The following PARP8 variants were observed in gnomAD, a reference collection of about 807,000 sequenced individuals.
PARP8 encodes the protein poly(ADP-ribose) polymerase family member 8.
A neutral mutation model predicts 124.1 loss-of-function variants in PARP8; 51 were observed. That is an observed-to-expected ratio of 0.41 (90% CI 0.33 to 0.52). The LOEUF is 0.52. PARP8 is among the 20% of genes least tolerant of loss of function. The pLI is 0.21. For missense variants in PARP8, 860 were observed against 1,018.9 expected (o/e 0.84, Z 2.12); for synonymous variants, 391 against 361.5 (o/e 1.08, Z -0.93).
chr5:50,798,737 G>A (rs1159861420), intron 14 of PARP8, among the ~76,000 whole-genome samples: 3 of 151,962 alleles, frequency 2.0e-5, no homozygotes, highest in South Asian at 2.1e-4. Flanking sequence ...CACCGCACCC[G>A]GCCGAAGCAG....
chr5:50,827,208 C>G (rs531830503), intron 19 of PARP8, among the ~76,000 whole-genome samples: 5 of 152,176 alleles, frequency 3.3e-5, no homozygotes, highest in Non-Finnish European at 7.4e-5. Context: ...GCCTAGTAAG[C>G]TTAAAAAATA....
chr5:50,678,563 T>TGGAGAGAG (rs1750903208), intron 2 of PARP8, among the ~76,000 whole-genome samples: 3 of 152,196 alleles, frequency 2.0e-5, no homozygotes, highest in African/African-American at 7.2e-5. Flanking sequence ...TAAATATAGA[T>TGGAGAGAG]ATATGAGAGA....
intron 2 of PARP8, among the ~76,000 whole-genome samples, chr5:50,688,620 T>C (rs1752133698): frequency 6.6e-6 from 1 of 152,220 alleles, no homozygotes; most frequent in Non-Finnish European, 1.5e-5. Context: ...TTAAAATATA[T>C]ACTAATTTGA....
chr5:50,840,574 A>G lies in PARP8; in HGVS notation c.2463-1392A>G, dbSNP rs1748071226. On this transcript the variant is annotated intron_variant, in intron 25 of 25. Transcript: ENST00000281631. ...CTGTAGCAAAGTTATATAGAGAGAA[A>G]AATTTAAGGATCGGAGATAGAGCTT... 2.0e-5 allele frequency among the ~76,000 whole-genome samples: 3 copies of G among 151,874 alleles called. No individual in the cohort carries two copies. In the South Asian group the frequency reaches 6.2e-4, roughly 32 times the overall value.
intron 2 of PARP8, among the ~76,000 whole-genome samples, chr5:50,675,421 C>T (rs1297458121): frequency 6.6e-6 from 1 of 152,186 alleles, no homozygotes; most frequent in African/African-American, 2.4e-5. Flanking sequence ...TCTCCCGTCT[C>T]AGTCTCTCAA....
At chr5:50,753,539 A>T (rs1477615715) in intron 3 of PARP8, among the ~76,000 whole-genome samples, 3 of 152,146 alleles carry the variant, frequency 2.0e-5, no homozygotes, top group Non-Finnish European at 4.4e-5. Flanking sequence ...AGGACATGGT[A>T]TAGTGACAAA....
intron 2 of PARP8, among the ~76,000 whole-genome samples, chr5:50,696,449 A>G (rs1383387080): frequency 6.6e-6 from 1 of 152,116 alleles, no homozygotes; most frequent in Non-Finnish European, 1.5e-5. Context: ...GAAGCCCATA[A>G]TCTTTGTTTG....
intron 2 of PARP8, among the ~76,000 whole-genome samples, chr5:50,677,604 T>C (rs1171064936): frequency 6.6e-6 from 1 of 152,094 alleles, no homozygotes; most frequent in African/African-American, 2.4e-5. Context: ...CCAAGAAAAA[T>C]TTTAAACTTA....
Position 50,678,819 on chromosome 5 carries a change from C to T in PARP8, c.146+10694C>T, listed in dbSNP as rs1201277403. 2.6e-5 allele frequency among the ~76,000 whole-genome samples: 4 copies of T among 152,118 alleles called. No homozygotes were observed. In the East Asian group the frequency reaches 5.8e-4, roughly 22 times the overall value. On this transcript the variant is annotated intron_variant, in intron 2 of 25. Transcript: ENST00000281631. ...CCTGCTGAGTTAACCCTTTCCTATA[C>T]ATATGCAGACAGTGTTCAGCACAGG...
At chr5:50,722,170 TCTG>T (rs1755957511) in intron 2 of PARP8, among the ~76,000 whole-genome samples, 1 of 152,122 alleles carries the variant, frequency 6.6e-6, no homozygotes, top group Non-Finnish European at 1.5e-5. Context: ...CTTATGGAGA[TCTG>T]CTTTAAAATT....
In PARP8 at chr5:50,843,468, A is replaced by C. The variant is rs186765627; in HGVS notation, c.*1400A>C. The C allele has an allele frequency of 1.6e-4, 24 of 151,936 alleles. No homozygotes were observed. Among genetic ancestry groups the C allele is most frequent in the African/African-American group, 5.8e-4 (24 of 41,514 alleles). The allele number at this position is 151,936 out of a possible 1,614,324, so 9.4% of individuals were successfully genotyped here. On this transcript the variant is annotated 3_prime_UTR_variant, in exon 26 of 26. Transcript: ENST00000281631. ...TGGCATAAAAGGTGAGAAAAAGGTC[A>C]TACATGTTGTTAAGGGTAGCAGTTT...
In PARP8 at chr5:50,666,795, T is replaced by G; in HGVS notation, c.-301T>G. On this transcript the variant is annotated 5_prime_UTR_variant, in exon 1 of 26. Coordinates refer to ENST00000281631, the MANE Select transcript of PARP8 (RefSeq NM_024615.4). ...TGGTCCGGGCGGGTGAGGGAGAAAG[T>G]GAGACTTGGTGTCATCACCATCCAT... 13 of 1,063,162 alleles carry G rather than the reference T, an allele frequency of 1.2e-5. No individual in the cohort carries two copies. Among genetic ancestry groups the G allele is most frequent in the South Asian group, 2.1e-5 (1 of 48,462 alleles). The allele number at this position is 1,063,162 out of a possible 1,614,324, so 65.9% of individuals were successfully genotyped here. A position where few individuals can be genotyped will look rare whatever the true frequency, so the allele number is the denominator to read the frequency against.
At chr5:50,729,979 A>T (rs1257156533) in intron 2 of PARP8, among the ~76,000 whole-genome samples, 1 of 152,208 alleles carries the variant, frequency 6.6e-6, no homozygotes, top group African/African-American at 2.4e-5. Flanking sequence ...GAATGCAAGC[A>T]TTGTCAAATA....
At chr5:50,768,357 T>G (rs941773926) in intron 7 of PARP8, among the ~76,000 whole-genome samples, 2 of 152,134 alleles carry the variant, frequency 1.3e-5, no homozygotes, top group Non-Finnish European at 2.9e-5. Flanking sequence ...TATGCTTAAA[T>G]GAACTAAGTC....
intron 9 of PARP8, among the ~76,000 whole-genome samples, chr5:50,784,204 A>G (rs1580330977): frequency 6.6e-6 from 1 of 152,174 alleles, no homozygotes; most frequent in East Asian, 1.9e-4. Flanking sequence ...AAATGTATAA[A>G]TAACAGTTAT....
At chr5:50,826,133 A>T (rs1339568037) in intron 18 of PARP8, among the ~76,000 whole-genome samples, 3 of 151,876 alleles carry the variant, frequency 2.0e-5, no homozygotes, top group African/African-American at 4.8e-5. Context: ...AATTCTTGTG[A>T]TCATTTCCTT....
At position 50,666,765 on chromosome 5, in the gene PARP8, G is replaced by C. The variant is rs933494334; in HGVS notation, c.-331G>C. ...TGTCCCCGGCACCTCGGCCCCCACG[G>C]CCGTTGGTCCGGGCGGGTGAGGGAG... is the stretch of plus-strand genomic sequence containing the variant. On this transcript the variant is annotated 5_prime_UTR_variant, in exon 1 of 26. Transcript: ENST00000281631. 8.9e-6 allele frequency: 7 copies of C among 785,716 alleles called. No homozygotes were observed. In the African/African-American group the frequency reaches 1.1e-4, roughly 13 times the overall value. 48.7% of individuals were successfully genotyped at this position (785,716 alleles called of 1,614,324 possible). A position where few individuals can be genotyped will look rare whatever the true frequency, so the allele number is the denominator to read the frequency against.
At chr5:50,781,903 A>G (rs762564981) in intron 9 of PARP8, among the ~76,000 whole-genome samples, 4 of 151,984 alleles carry the variant, frequency 2.6e-5, no homozygotes, top group Admixed American at 6.6e-5. Context: ...CTCTTTTCCT[A>G]TCTACCCTCG....
intron 2 of PARP8, among the ~76,000 whole-genome samples, chr5:50,704,731 A>T (rs986008622): frequency 6.6e-6 from 1 of 152,208 alleles, no homozygotes; most frequent in Non-Finnish European, 1.5e-5. Flanking sequence ...TAAATAAGGT[A>T]TATTATTAAA....
Sources: allele counts gnomAD v4.1 joint callset (sites outside exome capture counted in the v4.1 genomes callset), GRCh38; gene constraint gnomAD v4.1.1; transcripts MANE v1.5; gene names NCBI Gene and HGNC (gene_info 2026-07-23, HGNC 2026-07-21).